The following SLC24A2 variants were observed in gnomAD, a reference collection of about 807,000 sequenced individuals.
SLC24A2 encodes sodium/potassium/calcium exchanger 2.
In SLC24A2, 36 loss-of-function variants were observed where a neutral mutation model predicts 62.0. That is an observed-to-expected ratio of 0.58 (90% CI 0.44 to 0.77). The LOEUF is 0.77. SLC24A2 is among the 30% of genes least tolerant of loss of function. SLC24A2 has a pLI of 0.00. For synonymous variants in SLC24A2, 358 were observed against 294.0 expected, an observed-to-expected ratio of 1.22 and a Z score of -2.23; for missense variants, 846 against 817.9, an observed-to-expected ratio of 1.03 and a Z score of -0.42.
chr9:20,244,290 A>G, the SLC24A2 span, among the ~76,000 whole-genome samples: 1 of 152,216 alleles, frequency 6.6e-6, no homozygotes, highest in South Asian at 2.1e-4. Flanking sequence ...CAAGGAGACA[A>G]TTAAGGAAAG....
intron 8 of SLC24A2, among the ~76,000 whole-genome samples, chr9:19,547,613 G>A (rs1834646690): frequency 6.8e-6 from 1 of 147,974 alleles, no homozygotes; most frequent in African/African-American, 2.7e-5. Context: ...AGAGTCAAGG[G>A]CCTTGACTTA....
chr9:19,770,318 G>A (rs971527800), intron 2 of SLC24A2, among the ~76,000 whole-genome samples: 10 of 151,962 alleles, frequency 6.6e-5, no homozygotes, highest in Non-Finnish European at 1.3e-4. Context: ...ATTAACGGAA[G>A]TTTATGGGAT....
chr9:20,095,620 G>A, the SLC24A2 span, among the ~76,000 whole-genome samples: 1 of 152,116 alleles, frequency 6.6e-6, no homozygotes, highest in African/African-American at 2.4e-5. Flanking sequence ...ACAGCTCACT[G>A]ACTCACTCTG....
intron 5 of SLC24A2, among the ~76,000 whole-genome samples, chr9:19,590,523 G>C (rs572727246): frequency 1.1e-4 from 16 of 152,186 alleles, no homozygotes; most frequent in Non-Finnish European, 1.5e-4. Flanking sequence ...CCCTCCTTGG[G>C]AGTACAAAGC....
At chr9:19,659,334 C>T (rs1819027756) in intron 2 of SLC24A2, among the ~76,000 whole-genome samples, 1 of 152,254 alleles carries the variant, frequency 6.6e-6, no homozygotes, top group East Asian at 1.9e-4. Flanking sequence ...GGCTTCTAGG[C>T]TTCAGAACTG....
chr9:19,976,980 C>G, the SLC24A2 span, among the ~76,000 whole-genome samples: 1 of 152,118 alleles, frequency 6.6e-6, no homozygotes, highest in Non-Finnish European at 1.5e-5. Flanking sequence ...CAATAAAGAT[C>G]AGCAAAGTCC....
chr9:19,649,884 T>G (rs971759221), intron 2 of SLC24A2, among the ~76,000 whole-genome samples: 2 of 152,324 alleles, frequency 1.3e-5, no homozygotes, highest in Admixed American at 1.3e-4. Flanking sequence ...CAGAGCAGTA[T>G]GAATTTGTAG....
the SLC24A2 span, among the ~76,000 whole-genome samples, chr9:20,093,158 A>T: frequency 0.016 from 2,304 of 148,240 alleles, 56 homozygotes; most frequent in African/African-American, 0.055. Context: ...CGCCACCTCC[A>T]CCTCCCAGGT....
At chr9:20,112,952 GGCTGGAAAAAACAAAGACACAAGT>G in the SLC24A2 span, among the ~76,000 whole-genome samples, 1 of 152,110 alleles carries the variant, frequency 6.6e-6, no homozygotes, top group African/African-American at 2.4e-5. Context: ...ACACGGTTAG[GGCTGGAAAAAACAAAGACACAAGT>G]GAAGCAAGTA....
intron 2 of SLC24A2, among the ~76,000 whole-genome samples, chr9:19,677,308 C>T (rs2118363373): frequency 6.6e-6 from 1 of 152,194 alleles, no homozygotes; most frequent in South Asian, 2.1e-4. Context: ...AGGCCATTAG[C>T]CTCAGCAAAC....
the SLC24A2 span, among the ~76,000 whole-genome samples, chr9:19,872,736 G>A: frequency 6.6e-6 from 1 of 152,160 alleles, no homozygotes; most frequent in African/African-American, 2.4e-5. Flanking sequence ...GTATATGGCA[G>A]CTCTGTTGGA....
intron 2 of SLC24A2, among the ~76,000 whole-genome samples, chr9:19,643,455 A>C (rs1436357743): frequency 6.6e-6 from 1 of 152,254 alleles, no homozygotes; most frequent in Non-Finnish European, 1.5e-5. Flanking sequence ...TGTACCTAAA[A>C]TGGCAGCAAA....
At chr9:19,529,751 G>GTTT (rs72029564) in intron 8 of SLC24A2, among the ~76,000 whole-genome samples, 2 of 136,008 alleles carry the variant, frequency 1.5e-5, no homozygotes. Flanking sequence ...GGAGACCTTC[G>GTTT]TTTTTTTTTT....
the SLC24A2 span, among the ~76,000 whole-genome samples, chr9:20,208,222 C>T: frequency 6.6e-6 from 1 of 152,160 alleles, no homozygotes; most frequent in Non-Finnish European, 1.5e-5. Flanking sequence ...CTGAGACGAG[C>T]ATTCCAAGCA....
chr9:19,579,355 G>C (rs1235112565), intron 5 of SLC24A2, among the ~76,000 whole-genome samples: 9 of 152,152 alleles, frequency 5.9e-5, no homozygotes, highest in African/African-American at 1.7e-4. Context: ...TTGAGGACTA[G>C]ATAAACAGAT....
the SLC24A2 span, among the ~76,000 whole-genome samples, chr9:19,820,457 A>C: frequency 6.6e-6 from 1 of 151,662 alleles, no homozygotes; most frequent in Non-Finnish European, 1.5e-5. Flanking sequence ...AATTTAAAAA[A>C]AAATTTTAAA....
the SLC24A2 span, among the ~76,000 whole-genome samples, chr9:19,992,529 C>A: frequency 1.1e-4 from 17 of 152,164 alleles, no homozygotes; most frequent in Non-Finnish European, 2.4e-4. Context: ...TTTGGAACCA[C>A]TGAAATAAAC....
the SLC24A2 span, among the ~76,000 whole-genome samples, chr9:20,093,080 T>C: frequency 6.6e-6 from 1 of 152,030 alleles, no homozygotes; most frequent in African/African-American, 2.4e-5. Flanking sequence ...TTCTGTTTTT[T>C]GTTTTTTTTA....
At chr9:19,876,501 T>C in the SLC24A2 span, among the ~76,000 whole-genome samples, 5 of 152,162 alleles carry the variant, frequency 3.3e-5, no homozygotes, top group Admixed American at 1.3e-4. Context: ...AGCCTTCTTC[T>C]GGTTAAGTCA....
Sources: allele counts gnomAD v4.1 joint callset (sites outside exome capture counted in the v4.1 genomes callset), GRCh38; gene constraint gnomAD v4.1.1; transcripts MANE v1.5; gene names NCBI Gene and HGNC (gene_info 2026-07-23, HGNC 2026-07-21).